Variants in EPHA6 observed in about 807,000 individuals in gnomAD.
EPHA6 encodes ephrin type-A receptor 6.
In EPHA6, 50 loss-of-function variants were observed where a neutral mutation model predicts 112.0. That is an observed-to-expected ratio of 0.45 (90% CI 0.36 to 0.56). The LOEUF (loss-of-function observed/expected upper bound fraction) is 0.56. Ranked by LOEUF, EPHA6 falls within the 20% of genes least tolerant of loss-of-function variation. The probability of loss-of-function intolerance (pLI) is 0.00; values close to 1 mark genes in which losing one functional copy is unlikely to be tolerated. For synonymous variants in EPHA6, 529 were observed against 490.7 expected (o/e 1.08, Z -1.03); for missense variants, 1,280 against 1,417.4 (o/e 0.90, Z 1.56).
intron 5 of EPHA6, among the ~76,000 whole-genome samples, chr3:97,257,731 T>G (rs1201583521): frequency 6.6e-6 from 1 of 152,040 alleles, no homozygotes; most frequent in Non-Finnish European, 1.5e-5. Flanking sequence ...GAAAAATTTA[T>G]CATTTATAAT....
At chr3:97,326,077 G>C (rs2082406391) in intron 5 of EPHA6, among the ~76,000 whole-genome samples, 1 of 151,958 alleles carries the variant, frequency 6.6e-6, no homozygotes, top group Non-Finnish European at 1.5e-5. Flanking sequence ...GAGAAAGATT[G>C]TTACTGATAT....
intron 11 of EPHA6, chr3:97,569,908 TTCTC>T (rs1195163016): frequency 4.6e-5 from 7 of 152,200 alleles, no homozygotes; most frequent in Non-Finnish European, 8.8e-5. Flanking sequence ...CCCATGGCTT[TTCTC>T]TCTGTGTATA....
intron 2 of EPHA6, among the ~76,000 whole-genome samples, chr3:96,912,529 A>G (rs2039270147): frequency 6.6e-6 from 1 of 152,170 alleles, no homozygotes; most frequent in African/African-American, 2.4e-5. Flanking sequence ...TTAGCATCTA[A>G]CTGGGGACCT....
chr3:96,965,239 T>C (rs1460111244), intron 2 of EPHA6, among the ~76,000 whole-genome samples: 2 of 152,138 alleles, frequency 1.3e-5, no homozygotes, highest in African/African-American at 2.4e-5. Context: ...ACAGTTCATC[T>C]ACAAGGACTC....
chr3:97,074,613 A>G (rs1397527150), intron 3 of EPHA6, among the ~76,000 whole-genome samples: 1 of 151,998 alleles, frequency 6.6e-6, no homozygotes, highest in Non-Finnish European at 1.5e-5. Flanking sequence ...ATCCAATAGA[A>G]ACGTTTTAAT....
chr3:97,548,177 C>T (rs771290259), intron 11 of EPHA6, among the ~76,000 whole-genome samples: 5 of 152,094 alleles, frequency 3.3e-5, no homozygotes, highest in Non-Finnish European at 5.9e-5. Flanking sequence ...AGCTGTAGAC[C>T]GGAGCTGTTC....
chr3:97,462,343 C>A (rs13325545), intron 7 of EPHA6, among the ~76,000 whole-genome samples: 2 of 152,094 alleles, frequency 1.3e-5, no homozygotes, highest in South Asian at 4.2e-4. Context: ...ATTTTTTGGA[C>A]CATCCTGTGC....
rs181966478 is a variant in EPHA6, at chr3:97,328,187, C to A, written c.1607-76963C>A. 2.2e-3 allele frequency among the ~76,000 whole-genome samples: 326 copies of A among 151,054 alleles called. 1 individual carries two copies. The highest frequency in any genetic ancestry group is 7.0e-3 in the African/African-American group (290 of 41,200). On this transcript the variant is annotated intron_variant, in intron 5 of 17. Transcript: ENST00000389672. ...ATTTATACACAGGTTTTTGTGTGAA[C>A]ATAAGTTATCATTTCTCTGGGATAA...
chr3:97,010,409 T>G (rs1432209963), intron 3 of EPHA6, among the ~76,000 whole-genome samples: 1 of 152,214 alleles, frequency 6.6e-6, no homozygotes, highest in Non-Finnish European at 1.5e-5. Flanking sequence ...AGACACCATA[T>G]GGCCTACAAA....
At chr3:97,301,147 G>T (rs1332879956) in intron 5 of EPHA6, among the ~76,000 whole-genome samples, 1 of 152,080 alleles carries the variant, frequency 6.6e-6, no homozygotes, top group African/African-American at 2.4e-5. Flanking sequence ...TTACTTTGAG[G>T]TTATCTGATC....
intron 16 of EPHA6, among the ~76,000 whole-genome samples, chr3:97,739,242 G>A (rs879891799): frequency 3.3e-5 from 5 of 152,038 alleles, no homozygotes; most frequent in Admixed American, 3.3e-4. Context: ...ATAATCCACT[G>A]CAACTCTTCT....
At chr3:97,088,511 A>C (rs2046971422) in intron 3 of EPHA6, among the ~76,000 whole-genome samples, 1 of 152,096 alleles carries the variant, frequency 6.6e-6, no homozygotes, top group African/African-American at 2.4e-5. Context: ...AACTCCAGCT[A>C]TACAGCCAGA....
In EPHA6 at chr3:97,185,288, A is replaced by G. The variant is rs576902231; in HGVS notation, c.1115-40976A>G. 5.2e-3 allele frequency among the ~76,000 whole-genome samples: 798 copies of G among 152,260 alleles called. 6 individuals are homozygous for G. Among genetic ancestry groups the G allele is most frequent in the African/African-American group, 0.018 (746 of 41,558 alleles). On this transcript the variant is annotated intron_variant, in intron 3 of 17. Coordinates refer to ENST00000389672, the MANE Select transcript of EPHA6 (RefSeq NM_001080448.3). ...TCAGAGTGAACAGGCAACCTACAGA[A>G]TGGGAGAAAATTTTTGCAATGTACT...
chr3:96,996,507 C>T (rs2043428435), intron 3 of EPHA6, among the ~76,000 whole-genome samples: 1 of 152,038 alleles, frequency 6.6e-6, no homozygotes, highest in Non-Finnish European at 1.5e-5. Context: ...TGACATTTCT[C>T]TGTGATTGAT....
At chr3:97,413,080 G>C (rs4619789) in intron 6 of EPHA6, among the ~76,000 whole-genome samples, 22,653 of 151,582 alleles carry the variant, frequency 0.15, 5,321 homozygotes, top group African/African-American at 0.5. Context: ...AATTTCTGTT[G>C]TAGTTTGGTG....
At chr3:96,885,548 A>G (rs1333478922) in intron 2 of EPHA6, among the ~76,000 whole-genome samples, 2 of 151,656 alleles carry the variant, frequency 1.3e-5, no homozygotes, top group Non-Finnish European at 2.9e-5. Context: ...GATCTTTTGT[A>G]TTTCTGTGGT....
At chr3:97,321,365 GAGTGATAC>G (rs1198916550) in intron 5 of EPHA6, among the ~76,000 whole-genome samples, 1 of 151,908 alleles carries the variant, frequency 6.6e-6, no homozygotes, top group Non-Finnish European at 1.5e-5. Flanking sequence ...CCTGGGCTCT[GAGTGATAC>G]AATGACCTCA....
chr3:96,917,210 T>A (rs899647262), intron 2 of EPHA6, among the ~76,000 whole-genome samples: 7 of 151,792 alleles, frequency 4.6e-5, no homozygotes, highest in African/African-American at 1.7e-4. Flanking sequence ...CAACTGAGGT[T>A]AAGAGTTTGA....
intron 1 of EPHA6, among the ~76,000 whole-genome samples, chr3:96,818,225 C>T (rs3924258): frequency 0.078 from 11,808 of 151,906 alleles, 838 homozygotes; most frequent in Admixed American, 0.23. Flanking sequence ...AACCATTTAC[C>T]GTGTATCACA....
Sources: allele counts gnomAD v4.1 joint callset (sites outside exome capture counted in the v4.1 genomes callset), GRCh38; gene constraint gnomAD v4.1.1; transcripts MANE v1.5; gene names NCBI Gene and HGNC (gene_info 2026-07-23, HGNC 2026-07-21).